Variants in ATXN2 observed in about 807,000 individuals in gnomAD.
The protein encoded by ATXN2 is ataxin 2, also known as ataxin-2.
A neutral mutation model predicts 138.6 loss-of-function variants in ATXN2; 37 were observed. The ratio of observed to expected loss-of-function variants is 0.27; its 90% CI spans 0.21 to 0.35. The LOEUF is 0.35. Ranked by LOEUF, ATXN2 falls within the 10% of genes least tolerant of loss-of-function variation. The pLI, the probability that ATXN2 is intolerant of heterozygous loss-of-function variation, is 1.00. For synonymous variants in ATXN2, 549 were observed against 543.7 expected (o/e 1.01, Z -0.13); for missense variants, 1,216 against 1,480.3 (o/e 0.82, Z 2.93).
chr12:111,543,283 G>C (rs1239774447), intron 5 of ATXN2, among the ~76,000 whole-genome samples: 2 of 152,146 alleles, frequency 1.3e-5, no homozygotes, highest in Admixed American at 1.3e-4. Context: ...CTCGTACTCT[G>C]TTACTGATAC....
chr12:111,453,034 C>T lies in ATXN2; in HGVS notation c.3440-194G>A, dbSNP rs745979771. 17 of 1,300,692 alleles carry T rather than the reference C, an allele frequency of 1.3e-5. No homozygotes were observed. The highest frequency in any genetic ancestry group is 3.0e-5 in the African/African-American group (2 of 66,078). The allele number at this position is 1,300,692 out of a possible 1,614,324, so 80.6% of individuals were successfully genotyped here. A position where few individuals can be genotyped will look rare whatever the true frequency, so the allele number is the denominator to read the frequency against. On this transcript the variant is annotated intron_variant, in intron 24 of 24. Transcript: ENST00000673436. This position sits in a 1 kb window ranked among gnomAD's most constrained non-coding sequence, Gnocchi z 5.4. Reference sequence around the variant, plus strand: ...GGTGGGTAGAAACAAACCAGTCAGACGTAAAACCACTTCAGATAAAACTCC... The same window carrying T: ...GGTGGGTAGAAACAAACCAGTCAGATGTAAAACCACTTCAGATAAAACTCC...
chr12:111,543,578 C>T (rs1388290897), intron 5 of ATXN2, among the ~76,000 whole-genome samples: 3 of 152,020 alleles, frequency 2.0e-5, no homozygotes, highest in Admixed American at 6.6e-5. Context: ...GGATTAGAGG[C>T]GCACACCAGC....
chr12:111,505,812 C>T (rs1295450413), intron 14 of ATXN2, among the ~76,000 whole-genome samples: 1 of 152,086 alleles, frequency 6.6e-6, no homozygotes, highest in East Asian at 1.9e-4. Context: ...ACACAGTTGC[C>T]ATATGACCCA....
chr12:111,573,906 T>C (rs750465555), intron 1 of ATXN2, among the ~76,000 whole-genome samples: 4 of 150,816 alleles, frequency 2.7e-5, no homozygotes, highest in Non-Finnish European at 5.9e-5. Context: ...TGGCCACTAC[T>C]ACCACTTGGC....
intron 1 of ATXN2, among the ~76,000 whole-genome samples, chr12:111,562,720 CAAAAAAAAAAAAAA>C (rs34625134): frequency 1.8e-5 from 1 of 55,980 alleles, no homozygotes; most frequent in African/African-American, 5.4e-5. Context: ...AACTCCATCT[CAAAAAAAAAAAAAA>C]AAAAAAAAAA....
rs747088267 is a variant in ATXN2, at chr12:111,552,410, G to A, written c.441C>T (p.Ala147=). 6.8e-6 allele frequency: 11 copies of A among 1,610,964 alleles called. No individual in the cohort carries two copies. The highest frequency in any genetic ancestry group is 2.2e-5 in the East Asian group (1 of 44,708). The change falls in exon 5 of 25, where the codon GCC becomes GCT. Residue 147 remains alanine, a synonymous_variant. Transcript: ENST00000673436. This position sits in a 1 kb window ranked among gnomAD's most constrained non-coding sequence, Gnocchi z 4.1. ...TGGATTCTGTACTTTTCTCATGTGC[G>A]GCATCAAGTACCAAATCACACTAAA... ...YSPKCDLVLD[A]AHEKSTESSS... is the part of the protein sequence containing the mutation.
chr12:111,490,688 T>A (rs920692180), intron 14 of ATXN2, among the ~76,000 whole-genome samples: 1 of 151,978 alleles, frequency 6.6e-6, no homozygotes, highest in African/African-American at 2.4e-5. Context: ...AGTTTTGACA[T>A]CCTATCAAGG....
intron 5 of ATXN2, 28 bp from the exon 6 acceptor site, chr12:111,525,344 TTA>T: frequency 6.5e-7 from 1 of 1,527,654 alleles, no homozygotes; most frequent in Non-Finnish European, 8.8e-7. Flanking sequence ...GGTTGAAAGT[TTA>T]TATAATCTGG....
intron 22 of ATXN2, among the ~76,000 whole-genome samples, chr12:111,456,474 G>A (rs1263076271): frequency 6.6e-6 from 1 of 152,170 alleles, no homozygotes; most frequent in Non-Finnish European, 1.5e-5. Context: ...CTGGCAGTTA[G>A]AAACTTCTGA....
chr12:111,472,189 C>T (rs1446381248), intron 18 of ATXN2, among the ~76,000 whole-genome samples: 1 of 152,124 alleles, frequency 6.6e-6, no homozygotes, highest in African/African-American at 2.4e-5. Context: ...AACTTTTCAG[C>T]CAGGGAGGCA....
intron 5 of ATXN2, among the ~76,000 whole-genome samples, chr12:111,532,482 A>AAT (rs1451545238): frequency 6.6e-6 from 1 of 152,162 alleles, no homozygotes; most frequent in Non-Finnish European, 1.5e-5. Context: ...CCATCTCAAA[A>AAT]ATATATATAC....
intron 21 of ATXN2, among the ~76,000 whole-genome samples, chr12:111,461,903 C>T (rs1281123014): frequency 7.0e-6 from 1 of 141,938 alleles, no homozygotes; most frequent in Admixed American, 7.4e-5. Flanking sequence ...GCCTGGACGA[C>T]AGAGTGAGAC....
intron 1 of ATXN2, among the ~76,000 whole-genome samples, chr12:111,581,952 A>G (rs553772540): frequency 4.6e-5 from 7 of 152,168 alleles, no homozygotes; most frequent in South Asian, 4.2e-4. Context: ...TGGTTTAAAA[A>G]AAAAAAAAAA....
intron 1 of ATXN2, among the ~76,000 whole-genome samples, chr12:111,589,787 C>T (rs1006867493): frequency 5.3e-5 from 8 of 152,122 alleles, no homozygotes; most frequent in African/African-American, 1.7e-4. Flanking sequence ...GGCATAGTGG[C>T]GCATGCCTGT....
intron 1 of ATXN2, among the ~76,000 whole-genome samples, chr12:111,564,083 A>G (rs1211425175): frequency 6.6e-6 from 1 of 152,212 alleles, no homozygotes; most frequent in East Asian, 1.9e-4. Flanking sequence ...AATTAAAAGA[A>G]GGTACCAGAA....
chr12:111,452,972 C>G, intron 24 of ATXN2, 132 bp from the exon 25 acceptor site: 1 of 1,325,982 alleles, frequency 7.5e-7, no homozygotes, highest in African/African-American at 1.5e-5. Flanking sequence ...TTCGCTTTTC[C>G]CCCTCCCATC....
At chr12:111,515,492 C>T (rs371868586) in intron 10 of ATXN2, among the ~76,000 whole-genome samples, 10 of 152,148 alleles carry the variant, frequency 6.6e-5, no homozygotes, top group South Asian at 2.1e-4. Context: ...TTATTTTTGA[C>T]GAGGAAAGAA....
chr12:111,544,804 G>C (rs1457168429), intron 5 of ATXN2, among the ~76,000 whole-genome samples: 1 of 152,198 alleles, frequency 6.6e-6, no homozygotes. Flanking sequence ...CAAAGGACCT[G>C]GCAGTTAGAG....
intron 11 of ATXN2, chr12:111,511,648 T>C (rs1325851635): frequency 6.6e-6 from 1 of 152,034 alleles, no homozygotes; most frequent in Non-Finnish European, 1.5e-5. Context: ...GTATTTTTAG[T>C]AGAGACGACG....
Sources: allele counts gnomAD v4.1 joint callset (sites outside exome capture counted in the v4.1 genomes callset), GRCh38; gene constraint gnomAD v4.1.1; non-coding constraint Gnocchi (gnomAD v3.1); transcripts MANE v1.5; gene names NCBI Gene and HGNC (gene_info 2026-07-23, HGNC 2026-07-21).